PLEKHA7: variants seen among roughly 807,000 people sequenced by gnomAD.
PLEKHA7 encodes pleckstrin homology domain containing A7, also known as pleckstrin homology domain-containing family A member 7.
A neutral mutation model predicts 170.0 loss-of-function variants in PLEKHA7; 104 were observed. The observed-to-expected ratio is 0.61, with a 90% confidence interval of 0.52 to 0.72. The LOEUF (loss-of-function observed/expected upper bound fraction) is 0.72, where lower values mean the gene tolerates loss of function less well. Among genes scored for constraint, PLEKHA7 ranks in the 30% least tolerant of loss-of-function variants. PLEKHA7 has a pLI of 0.00. For missense variants in PLEKHA7, 1,615 were observed against 1,671.7 expected (o/e 0.97, Z 0.59); for synonymous variants, 648 against 660.8 (o/e 0.98, Z 0.30).
At chr11:16,993,146 C>G (rs887172353) in intron 3 of PLEKHA7, among the ~76,000 whole-genome samples, 5 of 152,178 alleles carry the variant, frequency 3.3e-5, no homozygotes, top group Non-Finnish European at 7.3e-5. Flanking sequence ...GAAACCCTTT[C>G]TATGCAAGCC....
intron 3 of PLEKHA7, among the ~76,000 whole-genome samples, chr11:16,886,215 T>C (rs537530557): frequency 6.6e-6 from 1 of 152,246 alleles, no homozygotes; most frequent in Admixed American, 6.5e-5. Flanking sequence ...TCTAACCAGA[T>C]GCCACCTGGA....
At chr11:16,798,720 G>GCC (rs1848400335) in intron 17 of PLEKHA7, among the ~76,000 whole-genome samples, 1 of 152,162 alleles carries the variant, frequency 6.6e-6, no homozygotes, top group South Asian at 2.1e-4. Context: ...AACAGGTGCA[G>GCC]CCCTTTAGAA....
intron 16 of PLEKHA7, 61 bp from the exon 17 acceptor site, chr11:16,801,136 C>T (rs75163301): frequency 2.0e-5 from 28 of 1,423,932 alleles, no homozygotes; most frequent in African/African-American, 9.9e-5. Context: ...GAAGGCCTCA[C>T]GAACACCTGT....
At chr11:16,891,263 T>C (rs544816030) in intron 3 of PLEKHA7, among the ~76,000 whole-genome samples, 1 of 152,254 alleles carries the variant, frequency 6.6e-6, no homozygotes, top group East Asian at 1.9e-4. Flanking sequence ...AGAGACCTCA[T>C]GTGGAAATCC....
intron 3 of PLEKHA7, among the ~76,000 whole-genome samples, chr11:16,888,001 C>T (rs1440673078): frequency 5.3e-5 from 8 of 151,292 alleles, no homozygotes; most frequent in Admixed American, 2.0e-4. Context: ...ACCTCTGCCC[C>T]GCCGCCCCGT....
chr11:16,870,641 CAA>C (rs11321089), intron 4 of PLEKHA7, among the ~76,000 whole-genome samples: 39,584 of 110,512 alleles, frequency 0.36, 6,112 homozygotes, highest in Middle Eastern at 0.41. Flanking sequence ...GACCCTGCCT[CAA>C]AAAAAAAAAA....
chr11:16,898,612 C>T (rs1284948594), intron 3 of PLEKHA7, among the ~76,000 whole-genome samples: 10 of 152,194 alleles, frequency 6.6e-5, no homozygotes, highest in Admixed American at 5.9e-4. Flanking sequence ...CTAATAATAG[C>T]AGCAAGTATT....
At chr11:16,871,247 T>A (rs1854819587) in intron 3 of PLEKHA7, 65 bp from the exon 4 acceptor site, 15 of 1,307,030 alleles carry the variant, frequency 1.1e-5, no homozygotes, top group Non-Finnish European at 1.7e-5. Context: ...ACACGACAGG[T>A]CAGTCAGCAA....
intron 3 of PLEKHA7, among the ~76,000 whole-genome samples, chr11:16,877,572 T>G (rs933377343): frequency 3.3e-4 from 51 of 152,342 alleles, no homozygotes; most frequent in African/African-American, 1.2e-3. Flanking sequence ...ACTGAAATGG[T>G]CTTTCAAGCT....
chr11:16,974,628 T>TG, intron 3 of PLEKHA7: 1 of 213,306 alleles, frequency 4.7e-6, no homozygotes, highest in Non-Finnish European at 6.5e-6. Flanking sequence ...TTTCACAGGT[T>TG]TTTTTTTTTT....
intron 3 of PLEKHA7, among the ~76,000 whole-genome samples, chr11:17,008,574 C>G (rs1865149953): frequency 6.6e-6 from 1 of 152,188 alleles, no homozygotes; most frequent in African/African-American, 2.4e-5. Flanking sequence ...TTTTCCAAGA[C>G]CTGGAATACC....
At chr11:16,970,050 A>G (rs1315613640) in intron 3 of PLEKHA7, among the ~76,000 whole-genome samples, 2 of 152,250 alleles carry the variant, frequency 1.3e-5, no homozygotes, top group African/African-American at 2.4e-5. Context: ...ATAGGGCCAC[A>G]TGGGAGCCTC....
In PLEKHA7 at chr11:16,932,539, C is replaced by T. The variant is rs543004773; in HGVS notation, c.222-61357G>A. Among the ~76,000 whole-genome samples, 4 of 152,266 alleles carry T rather than the reference C, an allele frequency of 2.6e-5. No homozygotes were observed. In the East Asian group the frequency reaches 7.7e-4, roughly 29 times the overall value. ...GACTCAAGCAATCCTTTTGCCTGGGCCTCCCAAAGTGTTGGGATTACAGGC... is the reference window on the plus strand; with the variant it reads ...GACTCAAGCAATCCTTTTGCCTGGGTCTCCCAAAGTGTTGGGATTACAGGC... On this transcript the variant is annotated intron_variant, in intron 3 of 26. Coordinates refer to ENST00000531066, the MANE Select transcript of PLEKHA7 (RefSeq NM_001329630.2).
intron 9 of PLEKHA7, among the ~76,000 whole-genome samples, chr11:16,829,841 G>A (rs1850962541): frequency 6.8e-6 from 1 of 147,154 alleles, no homozygotes. Flanking sequence ...ATGTACATAT[G>A]ACAGGTTTCT....
chr11:16,837,827 C>G (rs1478559207), intron 9 of PLEKHA7, among the ~76,000 whole-genome samples: 2 of 151,968 alleles, frequency 1.3e-5, no homozygotes, highest in Non-Finnish European at 2.9e-5. Context: ...GGGAACAAAC[C>G]TGGTTAAGAG....
At chr11:16,945,970 C>T (rs1861002477) in intron 3 of PLEKHA7, among the ~76,000 whole-genome samples, 3 of 152,226 alleles carry the variant, frequency 2.0e-5, no homozygotes, top group Admixed American at 1.3e-4. Flanking sequence ...TAAGGTATAA[C>T]ACATTCCCAG....
At chr11:16,797,898 G>GC (rs1848344918) in intron 17 of PLEKHA7, among the ~76,000 whole-genome samples, 1 of 152,140 alleles carries the variant, frequency 6.6e-6, no homozygotes, top group South Asian at 2.1e-4. Flanking sequence ...AGAACAGAGA[G>GC]CAGAGAATAA....
Position 16,841,605 on chromosome 11 carries a change from C to A in PLEKHA7, c.814G>T (p.Ala272Ser). 1.9e-6 allele frequency: 3 copies of A among 1,614,092 alleles called. No individual in the cohort carries two copies. The highest frequency in any genetic ancestry group is 2.5e-6 in the Non-Finnish European group (3 of 1,180,040). Residue 272 changes from alanine to serine, a missense_variant, in exon 9 of 27, where the codon GCT becomes TCT. By Grantham distance (99) the Ala-to-Ser change is moderately conservative. Transcript: ENST00000531066. ...FSADTQEDMN[A>S]WVRAMNQAAQ... ...GCCTGGTTCATGGCCCTGACCCAAGCGTTCATGTCCTCCTGGGTGTCGGCA... is the reference window on the plus strand; with the variant it reads ...GCCTGGTTCATGGCCCTGACCCAAGAGTTCATGTCCTCCTGGGTGTCGGCA...
Position 16,817,078 on chromosome 11 carries a change from G to A in PLEKHA7, c.1588C>T (p.Gln530Ter). The change falls in exon 11 of 27, where the codon CAG becomes TAG. Residue 530 changes from glutamine (Q) to a stop codon, truncating the protein, a stop_gained. Transcript: ENST00000531066. LOFTEE classifies it high-confidence loss of function. This position sits in a 1 kb window ranked among gnomAD's most constrained non-coding sequence, Gnocchi z 4.4. ...VWQLYEWQQRQQFRHGSPTAP... is the reference protein window; with the variant it reads ...VWQLYEWQQR ...GTGGGGCTGCCGTGCCGGAACTGCT[G>A]GCGCTGCTGCCACTCGTAGAGCTGC... 6.2e-7 allele frequency: 1 copy of A among 1,613,202 alleles called. No homozygotes were observed. The highest frequency in any genetic ancestry group is 8.5e-7 in the Non-Finnish European group (1 of 1,179,510).
Sources: allele counts gnomAD v4.1 joint callset (sites outside exome capture counted in the v4.1 genomes callset), GRCh38; gene constraint gnomAD v4.1.1; non-coding constraint Gnocchi (gnomAD v3.1); transcripts MANE v1.5; gene names NCBI Gene and HGNC (gene_info 2026-07-23, HGNC 2026-07-21).